KCNIP1: variants seen among roughly 807,000 people sequenced by gnomAD.
KCNIP1 encodes A-type potassium channel modulatory protein KCNIP1.
KCNIP1 carries 18 observed loss-of-function variants against 33.0 expected under a neutral mutation model. The ratio of observed to expected loss-of-function variants is 0.55; its 90% CI spans 0.38 to 0.81. KCNIP1 has a LOEUF of 0.81. Ranked by LOEUF, KCNIP1 falls within the 30% of genes least tolerant of loss-of-function variation. The pLI is 0.00. For missense variants in KCNIP1, 238 were observed against 271.6 expected (o/e 0.88, Z 0.87); for synonymous variants, 93 against 98.3 (o/e 0.95, Z 0.32).
chr5:170,425,848 G>T (rs980370458), intron 1 of KCNIP1, among the ~76,000 whole-genome samples: 1 of 152,224 alleles, frequency 6.6e-6, no homozygotes, highest in African/African-American at 2.4e-5. Flanking sequence ...ATATAAGGTT[G>T]TCTGTGGCCA....
intron 1 of KCNIP1, among the ~76,000 whole-genome samples, chr5:170,649,927 AAAG>A (rs1180576494): frequency 1.3e-5 from 2 of 152,214 alleles, no homozygotes; most frequent in Non-Finnish European, 2.9e-5. Context: ...TTCATAACAA[AAAG>A]AAGTTGGGGG....
At chr5:170,458,097 T>A (rs961079134) in intron 1 of KCNIP1, among the ~76,000 whole-genome samples, 1 of 152,110 alleles carries the variant, frequency 6.6e-6, no homozygotes. Context: ...AAGAAAGAAC[T>A]TCAGAGCTCA....
intron 1 of KCNIP1, among the ~76,000 whole-genome samples, chr5:170,446,156 C>T (rs922700186): frequency 6.6e-6 from 1 of 152,194 alleles, no homozygotes; most frequent in Admixed American, 6.5e-5. Flanking sequence ...TCAGTCATTA[C>T]CCTCACTGGC....
intron 1 of KCNIP1, among the ~76,000 whole-genome samples, chr5:170,366,796 C>A (rs1763674811): frequency 2.0e-5 from 3 of 152,210 alleles, no homozygotes; most frequent in African/African-American, 7.2e-5. Flanking sequence ...GGCCACCCAG[C>A]AGATGGCTCT....
intron 1 of KCNIP1, among the ~76,000 whole-genome samples, chr5:170,658,729 C>T (rs1309374334): frequency 6.6e-6 from 1 of 152,118 alleles, no homozygotes; most frequent in African/African-American, 2.4e-5. Flanking sequence ...ATGAGACATA[C>T]TTGGTGAGTG....
chr5:170,456,066 C>G (rs1286385216), intron 1 of KCNIP1, among the ~76,000 whole-genome samples: 2 of 152,146 alleles, frequency 1.3e-5, no homozygotes, highest in Non-Finnish European at 2.9e-5. Flanking sequence ...ACCCAAATGC[C>G]CATCAATGAT....
chr5:170,671,541 C>A (rs1448684472), intron 1 of KCNIP1, among the ~76,000 whole-genome samples: 1 of 152,200 alleles, frequency 6.6e-6, no homozygotes, highest in African/African-American at 2.4e-5. Flanking sequence ...TTTATGCTGT[C>A]ATGGCCCTGA....
chr5:170,672,829 C>G (rs894399287), intron 1 of KCNIP1, among the ~76,000 whole-genome samples: 2 of 152,236 alleles, frequency 1.3e-5, no homozygotes, highest in African/African-American at 2.4e-5. Context: ...TCTGACACCA[C>G]TAATTCAAAA....
At chr5:170,408,051 A>G (rs190430233) in intron 1 of KCNIP1, among the ~76,000 whole-genome samples, 382 of 152,352 alleles carry the variant, frequency 2.5e-3, no homozygotes, top group African/African-American at 8.1e-3. Context: ...TTTAGCTTCT[A>G]GAACAGATTA....
intron 1 of KCNIP1, among the ~76,000 whole-genome samples, chr5:170,563,895 C>T (rs1160241816): frequency 6.6e-6 from 1 of 152,186 alleles, no homozygotes; most frequent in Non-Finnish European, 1.5e-5. Flanking sequence ...GCCTGAGCCT[C>T]CCAAAGTGCT....
At chr5:170,381,033 C>A (rs1001047400) in intron 1 of KCNIP1, among the ~76,000 whole-genome samples, 6 of 152,208 alleles carry the variant, frequency 3.9e-5, no homozygotes, top group Non-Finnish European at 2.9e-5. Context: ...GAAATTGCAA[C>A]AACAGCTCCT....
chr5:170,529,376 C>T (rs1160002254), intron 1 of KCNIP1, among the ~76,000 whole-genome samples: 2 of 152,174 alleles, frequency 1.3e-5, no homozygotes, highest in East Asian at 3.9e-4. Context: ...AGATAGGGTT[C>T]TGTGTTATGC....
intron 1 of KCNIP1, among the ~76,000 whole-genome samples, chr5:170,365,543 C>T (rs763190783): frequency 4.6e-5 from 7 of 152,186 alleles, no homozygotes; most frequent in Non-Finnish European, 4.4e-5. Flanking sequence ...GAAAGGATGG[C>T]GATGGTTTCC....
intron 1 of KCNIP1, among the ~76,000 whole-genome samples, chr5:170,650,686 G>A (rs903035555): frequency 2.0e-5 from 3 of 152,206 alleles, no homozygotes; most frequent in East Asian, 3.8e-4. Context: ...ATACCTAGGG[G>A]TGGAATTGCT....
intron 1 of KCNIP1, among the ~76,000 whole-genome samples, chr5:170,709,756 G>A (rs148106610): frequency 8.8e-4 from 133 of 151,808 alleles, no homozygotes; most frequent in African/African-American, 2.8e-3. Flanking sequence ...TTTAAATATC[G>A]CTTCATTATC....
rs1160032180 is a variant in KCNIP1, at chr5:170,674,129, GAGGAAGGAAGGAAGGA to G, written c.62-44589_62-44574del. 4.7e-3 allele frequency among the ~76,000 whole-genome samples: 354 copies of G among 74,988 alleles called. 2 individuals are homozygous for G. Among genetic ancestry groups the G allele is most frequent in the Middle Eastern group, 9.3e-3 (1 of 108 alleles). 49.2% of individuals were successfully genotyped at this position (74,988 alleles called of 152,430 possible). On this transcript the variant is annotated intron_variant, in intron 1 of 7. Coordinates refer to ENST00000328939, the MANE Select transcript of KCNIP1 (RefSeq NM_014592.4). ...AATTTATTCCCAAGAGGAAAGCAAT[GAGGAAGGAAGGAAGGA>G]AGGAAGGAAGGAAGGAAGGAAGGAA...
chr5:170,449,087 A>G (rs950772335), intron 1 of KCNIP1, among the ~76,000 whole-genome samples: 1 of 152,208 alleles, frequency 6.6e-6, no homozygotes, highest in African/African-American at 2.4e-5. Context: ...ATGAGACACT[A>G]GCCCTCTCCT....
intron 1 of KCNIP1, among the ~76,000 whole-genome samples, chr5:170,677,943 G>A (rs930195851): frequency 5.9e-5 from 9 of 152,284 alleles, no homozygotes; most frequent in African/African-American, 2.2e-4. Flanking sequence ...AGAAATATCA[G>A]AATCTATGCA....
intron 1 of KCNIP1, among the ~76,000 whole-genome samples, chr5:170,625,355 G>C (rs947136808): frequency 2.0e-5 from 3 of 152,124 alleles, no homozygotes; most frequent in African/African-American, 7.2e-5. Flanking sequence ...CAAGAGCTCT[G>C]TCACCAAGCA....
Sources: gnomAD v4.1 joint callset for allele counts (sites outside exome capture counted in the v4.1 genomes callset) on GRCh38, gnomAD v4.1.1 for gene constraint, MANE v1.5 for transcripts, NCBI Gene and HGNC (gene_info 2026-07-23, HGNC 2026-07-21) for gene names.